Variants in DZIP3 observed in about 807,000 individuals in gnomAD.
DZIP3 encodes the protein E3 ubiquitin-protein ligase DZIP3.
A neutral mutation model predicts 162.0 loss-of-function variants in DZIP3; 118 were observed. The observed-to-expected ratio is 0.73, with a 90% CI of 0.63 to 0.85. DZIP3 has a LOEUF of 0.85. Ranked by LOEUF, DZIP3 falls within the 40% of genes least tolerant of loss-of-function variation. The probability of loss-of-function intolerance (pLI) is 0.00; values close to 1 mark genes in which losing one functional copy is unlikely to be tolerated. For missense variants in DZIP3, 1,331 were observed against 1,407.0 expected, an observed-to-expected ratio of 0.95 and a Z score of 0.86; for synonymous variants, 438 against 458.6, an observed-to-expected ratio of 0.96 and a Z score of 0.57.
At chr3:108,652,547 T>C (rs1006341916) in intron 18 of DZIP3, among the ~76,000 whole-genome samples, 1 of 151,892 alleles carries the variant, frequency 6.6e-6, no homozygotes, top group African/African-American at 2.4e-5. Context: ...CTAGTAGTGG[T>C]GTAGCTGTCA....
At position 108,650,248 on chromosome 3, in the gene DZIP3, G is replaced by C. The variant is rs780577941; in HGVS notation, c.2008-889G>C. 8.8e-4 allele frequency among the ~76,000 whole-genome samples: 134 copies of C among 151,966 alleles called. 3 individuals carry two copies. Among genetic ancestry groups the C allele is most frequent in the Middle Eastern group, 3.4e-3 (1 of 294 alleles). On this transcript the variant is annotated intron_variant, in intron 17 of 32. Transcript: ENST00000361582. ...ATTTGAGAAATAATCCATTATGCTAGATGTGTTTATTGTGAACAACCAAAA... is the reference window on the plus strand; with the variant it reads ...ATTTGAGAAATAATCCATTATGCTACATGTGTTTATTGTGAACAACCAAAA...
intron 22 of DZIP3, 98 bp downstream of exon 22, chr3:108,669,847 C>T (rs1017365808): frequency 2.2e-5 from 22 of 1,003,264 alleles, no homozygotes; most frequent in South Asian, 1.6e-4. Context: ...TCATTCAAAC[C>T]GGGGTACTTT....
At chr3:108,672,469 A>G (rs1217706823) in intron 22 of DZIP3, 91 bp from the exon 23 acceptor site, 4 of 1,051,994 alleles carry the variant, frequency 3.8e-6, no homozygotes, top group Admixed American at 3.9e-5. Flanking sequence ...TTTCCTACTG[A>G]TTGTATAACT....
chr3:108,593,784 A>T (rs1435559930), intron 1 of DZIP3, among the ~76,000 whole-genome samples: 1 of 143,700 alleles, frequency 7.0e-6, no homozygotes, highest in African/African-American at 2.6e-5. Flanking sequence ...TTATCTTCCC[A>T]CCTCATCCTC....
rs1942707273 is a variant in DZIP3, at chr3:108,648,060, G to C, written c.1910G>C (p.Gly637Ala). The change falls in exon 16 of 33, where the codon GGG becomes GCG. Residue 637 changes from glycine to alanine, a missense_variant. By Grantham distance (60) the Gly-to-Ala change is moderately conservative. Transcript: ENST00000361582. ...CAGTTTGCAGAAATTAATAAAGATG[G>C]GACCTCAATACCCAGTGAATCTTCA... ...EIQFAEINKD[G>A]TSIPSESSTE... The C allele has an allele frequency of 6.2e-7, 1 of 1,611,490 alleles. No individual in the cohort carries two copies. Among genetic ancestry groups the C allele is most frequent in the Non-Finnish European group, 8.5e-7 (1 of 1,178,848 alleles).
Position 108,653,494 on chromosome 3 carries a change from AT to A in DZIP3, c.2034-649del, listed in dbSNP as rs1278161339. 6.7e-4 allele frequency among the ~76,000 whole-genome samples: 54 copies of A among 80,316 alleles called. 1 individual carries two copies. Among genetic ancestry groups the A allele is most frequent in the African/African-American group, 2.6e-3 (54 of 20,842 alleles). 52.7% of individuals were successfully genotyped at this position (80,316 alleles called of 152,430 possible). A position where few individuals can be genotyped will look rare whatever the true frequency, so the allele number is the denominator to read the frequency against. ...AAAGTGTAGAAATTGGTTAATTGCC[AT>A]TGTGTGTGTGTGTATATATATATAT... On this transcript the variant is annotated intron_variant, in intron 18 of 32. Transcript: ENST00000361582.
chr3:108,671,258 ATATT>A (rs1943917759), intron 22 of DZIP3, among the ~76,000 whole-genome samples: 1 of 151,890 alleles, frequency 6.6e-6, no homozygotes, highest in Non-Finnish European at 1.5e-5. Context: ...AGCCTTAATG[ATATT>A]TATAATGTAC....
rs1337838903 is a variant in DZIP3 at position 108,658,753 on chromosome 3, TAAAG to T, written c.2200-3121_2200-3118del. 5.9e-4 allele frequency among the ~76,000 whole-genome samples: 89 copies of T among 151,292 alleles called. 1 individual carries two copies. The highest frequency in any genetic ancestry group is 3.4e-3 in the Admixed American group (52 of 15,180). ...ATTGATAGACCGCTAGCAAGACTAA[TAAAG>T]AAGAAAAGAGAGAAGAATCAAATAG... On this transcript the variant is annotated intron_variant, in intron 19 of 32. Transcript: ENST00000361582.
At chr3:108,671,539 T>G (rs903730791) in intron 22 of DZIP3, among the ~76,000 whole-genome samples, 3 of 151,952 alleles carry the variant, frequency 2.0e-5, no homozygotes, top group Non-Finnish European at 4.4e-5. Context: ...TTTACCATCA[T>G]CTTCCTCCTT....
chr3:108,659,682 A>C (rs1267546317), intron 19 of DZIP3, among the ~76,000 whole-genome samples: 1 of 152,174 alleles, frequency 6.6e-6, no homozygotes, highest in Non-Finnish European at 1.5e-5. Flanking sequence ...CAATTAGGAA[A>C]AGAGGAAGTC....
intron 24 of DZIP3, among the ~76,000 whole-genome samples, 176 bp from the exon 25 acceptor site, chr3:108,675,610 T>A (rs1287291078): frequency 3.3e-5 from 5 of 152,076 alleles, no homozygotes; most frequent in African/African-American, 1.2e-4. Context: ...CTGTTTTTGT[T>A]ATTTTTAGTA....
intron 19 of DZIP3, 35 bp from the exon 20 acceptor site, chr3:108,661,842 G>A: frequency 6.4e-7 from 1 of 1,551,386 alleles, no homozygotes; most frequent in Non-Finnish European, 8.8e-7. Context: ...TTTTTTTGAG[G>A]AAAATAATAC....
intron 8 of DZIP3, among the ~76,000 whole-genome samples, chr3:108,631,394 G>T (rs916765684): frequency 1.3e-5 from 2 of 150,788 alleles, no homozygotes; most frequent in African/African-American, 4.9e-5. Context: ...TTTTCTTTTC[G>T]GAGACAGGTT....
chr3:108,642,417 T>G, intron 12 of DZIP3, 21 bp from the exon 13 acceptor site: 1 of 1,467,152 alleles, frequency 6.8e-7, no homozygotes, highest in Non-Finnish European at 9.2e-7. Flanking sequence ...CCACTATAAC[T>G]TAATTTTTTT....
intron 18 of DZIP3, among the ~76,000 whole-genome samples, chr3:108,653,927 G>A (rs748095762): frequency 6.6e-6 from 1 of 152,004 alleles, no homozygotes; most frequent in Non-Finnish European, 1.5e-5. Flanking sequence ...AATTAAACAG[G>A]TACCTTGATT....
At chr3:108,651,907 A>G (rs139918653) in intron 18 of DZIP3, among the ~76,000 whole-genome samples, 13 of 151,940 alleles carry the variant, frequency 8.6e-5, no homozygotes, top group Admixed American at 2.6e-4. Flanking sequence ...CAGTAAGATC[A>G]TATTTTGTTA....
intron 4 of DZIP3, among the ~76,000 whole-genome samples, chr3:108,614,833 A>C (rs1940915606): frequency 6.6e-6 from 1 of 152,198 alleles, no homozygotes; most frequent in Non-Finnish European, 1.5e-5. Context: ...TGATAACCGC[A>C]GTGGCCCACC....
chr3:108,690,011 A>G (rs1028166869), intron 31 of DZIP3, among the ~76,000 whole-genome samples: 6 of 152,214 alleles, frequency 3.9e-5, no homozygotes, highest in African/African-American at 1.4e-4. Context: ...CCTAATCCCA[A>G]AAGTTTTCTA....
At chr3:108,659,108 T>C (rs1230663059) in intron 19 of DZIP3, among the ~76,000 whole-genome samples, 4 of 152,154 alleles carry the variant, frequency 2.6e-5, no homozygotes, top group Admixed American at 2.0e-4. Context: ...TTCCAATCAA[T>C]AGAAAAAGAG....
Sources: allele counts gnomAD v4.1 joint callset (sites outside exome capture counted in the v4.1 genomes callset), GRCh38; gene constraint gnomAD v4.1.1; transcripts MANE v1.5; gene names NCBI Gene and HGNC (gene_info 2026-07-23, HGNC 2026-07-21).